GGA2: variants seen among roughly 807,000 people sequenced by gnomAD.
The protein encoded by GGA2 is golgi associated, gamma adaptin ear containing, ARF binding protein 2, also known as ADP-ribosylation factor-binding protein GGA2.
Under a neutral mutation model 79.5 loss-of-function variants are expected in GGA2, and 48 were observed. The observed-to-expected ratio is 0.60, with a 90% confidence interval of 0.48 to 0.77. The LOEUF (loss-of-function observed/expected upper bound fraction) is 0.77, where lower values mean the gene tolerates loss of function less well. GGA2 is among the 30% of genes least tolerant of loss of function. The pLI is 0.00. For missense variants in GGA2, 770 were observed against 774.0 expected (o/e 0.99, Z 0.06); for synonymous variants, 317 against 302.0 (o/e 1.05, Z -0.51).
chr16:23,488,789 A>T, intron 5 of GGA2, 80 bp from the exon 6 acceptor site: 1 of 797,178 alleles, frequency 1.3e-6, no homozygotes, highest in Non-Finnish European at 2.2e-6. Context: ...AAGTCTGGAA[A>T]CCCCTGGTTC....
intron 4 of GGA2, 59 bp from the exon 5 acceptor site, chr16:23,491,859 T>C (rs1171658693): frequency 2.5e-6 from 3 of 1,224,166 alleles, no homozygotes; most frequent in Non-Finnish European, 3.6e-6. Flanking sequence ...GACCGACACT[T>C]TAACTAAAGA....
At chr16:23,479,679 G>T in intron 11 of GGA2, 86 bp downstream of exon 11, 1 of 1,454,030 alleles carries the variant, frequency 6.9e-7, no homozygotes, top group Non-Finnish European at 9.5e-7. Flanking sequence ...TCCCTCAGCA[G>T]CAGGCATGTG....
intron 1 of GGA2, among the ~76,000 whole-genome samples, chr16:23,504,462 C>CA (rs1964953068): frequency 6.6e-6 from 1 of 152,236 alleles, no homozygotes; most frequent in Admixed American, 6.5e-5. Flanking sequence ...TTTTGCTAGA[C>CA]AGTGTTTGGC....
intron 4 of GGA2, 148 bp from the exon 5 acceptor site, chr16:23,491,948 G>T: frequency 1.8e-6 from 1 of 558,002 alleles, no homozygotes; most frequent in South Asian, 2.3e-5. Context: ...ACACCATCTG[G>T]CGCCCAGCCC....
At chr16:23,501,974 T>A (rs1964926505) in intron 1 of GGA2, among the ~76,000 whole-genome samples, 2 of 151,964 alleles carry the variant, frequency 1.3e-5, no homozygotes, top group Non-Finnish European at 2.9e-5. Context: ...CTGCTCAGAG[T>A]CCACAATCAC....
chr16:23,469,005 G>A lies in GGA2; in HGVS notation c.1621-9C>T. The A allele has an allele frequency of 6.5e-7, 1 of 1,545,168 alleles. No homozygotes were observed. The highest frequency in any genetic ancestry group is 9.0e-7 in the Non-Finnish European group (1 of 1,117,250). On this transcript the variant is annotated splice_polypyrimidine_tract_variant and intron_variant, in intron 15 of 16. Transcript: ENST00000309859. ...AGCTTCACTCTCATTGACTATCAGG[G>A]GAAGAAAACCAACATGTAACTCATT...
At chr16:23,501,018 G>T (rs866144464) in intron 1 of GGA2, 2 of 339,720 alleles carry the variant, frequency 5.9e-6, no homozygotes, top group African/African-American at 4.3e-5. Flanking sequence ...ACACACATTA[G>T]AAAGTGTGAC....
chr16:23,480,450 TC>T (rs1045185420), intron 10 of GGA2, 194 bp downstream of exon 10: 2 of 523,090 alleles, frequency 3.8e-6, no homozygotes, highest in Non-Finnish European at 6.8e-6. Context: ...AAAGCTGGGG[TC>T]CAGCCCGGCA....
rs772000231 is a variant in GGA2, at chr16:23,470,102, T to C, written c.1514A>G (p.Gln505Arg). 1 of 1,610,702 alleles carries C rather than the reference T, an allele frequency of 6.2e-7. No homozygotes were observed. Among genetic ancestry groups the C allele is most frequent in the Non-Finnish European group, 8.5e-7 (1 of 1,178,494 alleles). ...CTCTGGGTGCCCAGGGGCTCCCGTC[T>C]GGGAGAAGTGGAGCAGAATTCTGAA... Reference protein sequence around the residue: ...NGFRILLHFSQTGAPGHPEVQ... With the variant: ...NGFRILLHFSRTGAPGHPEVQ... The change falls in exon 15 of 17, where the codon CAG (glutamine) becomes CGG (arginine). Residue 505 changes from glutamine (Q) to arginine (R), a missense_variant. Physicochemically the swap from Gln to Arg is conservative, Grantham distance 43 (BLOSUM62 1). Coordinates refer to ENST00000309859, the MANE Select transcript of GGA2 (RefSeq NM_015044.4).
upstream of GGA2, among the ~76,000 whole-genome samples, chr16:23,514,445 T>C (rs1304736343): frequency 6.6e-6 from 1 of 151,842 alleles, no homozygotes; most frequent in Admixed American, 6.6e-5. Context: ...TATGCTTTTC[T>C]CTTGTTAGCC....
chr16:23,515,017 G>A (rs941317602), upstream of GGA2, among the ~76,000 whole-genome samples: 2 of 152,144 alleles, frequency 1.3e-5, no homozygotes, highest in African/African-American at 4.8e-5. Context: ...TAAGTGGGTA[G>A]GAAGTGGTTG....
intron 4 of GGA2, 47 bp downstream of exon 4, chr16:23,493,313 T>C (rs755214513): frequency 5.7e-5 from 63 of 1,108,480 alleles, no homozygotes; most frequent in Non-Finnish European, 7.5e-5. Context: ...AGTTTGACAG[T>C]GGGCGTAGGT....
At chr16:23,522,122 GTAT>G, upstream of GGA2, 2 of 255,908 alleles carry the variant, frequency 7.8e-6, no homozygotes, top group South Asian at 4.2e-5. Context: ...TAAATTACAA[GTAT>G]TATTATTGTC....
chr16:23,501,356 G>C (rs1460563718), intron 1 of GGA2: 2 of 456,428 alleles, frequency 4.4e-6, no homozygotes, highest in Non-Finnish European at 8.8e-6. Flanking sequence ...GTGGAGTGTG[G>C]ATGACAGCCA....
At chr16:23,481,938 G>A (rs1440247128) in intron 9 of GGA2, among the ~76,000 whole-genome samples, 2 of 151,776 alleles carry the variant, frequency 1.3e-5, no homozygotes, top group African/African-American at 4.8e-5. Flanking sequence ...TTTTATCAGG[G>A]CAATCTGAAC....
intron 1 of GGA2, chr16:23,501,220 C>T (rs878886361): frequency 1.5e-4 from 68 of 449,566 alleles, no homozygotes; most frequent in South Asian, 1.0e-3. Context: ...CATGTGCAAT[C>T]GTAGCTTTGG....
chr16:23,491,624 A>G (rs1964788621), intron 5 of GGA2, 53 bp downstream of exon 5: 1 of 1,574,296 alleles, frequency 6.4e-7, no homozygotes, highest in Non-Finnish European at 8.7e-7. Context: ...TGAAAAAGCA[A>G]GAAGATACAG....
In GGA2 at chr16:23,467,387, A is replaced by ACACACACACACAC. The variant is rs1964451036; in HGVS notation, c.*202_*203insGTGTGTGTGTGTG. The ACACACACACACAC allele has an allele frequency of 3.2e-6, 1 of 308,086 alleles. No individual in the cohort carries two copies. Among genetic ancestry groups the ACACACACACACAC allele is most frequent in the Non-Finnish European group, 5.8e-6 (1 of 172,582 alleles). The allele number at this position is 308,086 out of a possible 1,614,324, so 19.1% of individuals were successfully genotyped here. ...GCCCTGTGCTACCACCCTCTCCCCGAACACACACACACACACACACACACA... is the reference window on the plus strand; with the variant it reads ...GCCCTGTGCTACCACCCTCTCCCCGACACACACACACACACACACACACACACACACACACACA... On this transcript the variant is annotated 3_prime_UTR_variant, in exon 17 of 17. Transcript: ENST00000309859.
intron 6 of GGA2, among the ~76,000 whole-genome samples, chr16:23,487,393 G>T (rs1964729001): frequency 6.6e-6 from 1 of 152,146 alleles, no homozygotes; most frequent in Non-Finnish European, 1.5e-5. Flanking sequence ...GCTACTGGCA[G>T]CTCGTGGGTA....
Sources: gnomAD v4.1 joint callset for allele counts (sites outside exome capture counted in the v4.1 genomes callset) on GRCh38, gnomAD v4.1.1 for gene constraint, MANE v1.5 for transcripts, NCBI Gene and HGNC (gene_info 2026-07-23, HGNC 2026-07-21) for gene names.